RABGAP1L: variants seen among roughly 807,000 people sequenced by gnomAD.
RABGAP1L encodes rab GTPase-activating protein 1-like.
Under a neutral mutation model 137.7 loss-of-function variants are expected in RABGAP1L, and 63 were observed. That is an observed-to-expected ratio of 0.46 (90% CI 0.37 to 0.56). The LOEUF is 0.56. Among genes scored for constraint, RABGAP1L ranks in the 20% least tolerant of loss-of-function variants. The pLI is 0.00. For missense variants in RABGAP1L, 1,095 were observed against 1,244.0 expected (o/e 0.88, Z 1.80); for synonymous variants, 431 against 433.7 (o/e 0.99, Z 0.08).
At chr1:174,427,352 T>C (rs1179706113) in intron 13 of RABGAP1L, among the ~76,000 whole-genome samples, 1 of 152,178 alleles carries the variant, frequency 6.6e-6, no homozygotes, top group East Asian at 1.9e-4. Context: ...AATAGAGATA[T>C]TTCTTACCGG....
intron 18 of RABGAP1L, among the ~76,000 whole-genome samples, chr1:174,803,949 T>A (rs1689001018): frequency 6.6e-6 from 1 of 151,744 alleles, no homozygotes; most frequent in South Asian, 2.1e-4. Flanking sequence ...GGTGGGCGCC[T>A]GTAATCCCAG....
At chr1:174,967,652 T>C (rs1446395233) in intron 20 of RABGAP1L, among the ~76,000 whole-genome samples, 1 of 151,910 alleles carries the variant, frequency 6.6e-6, no homozygotes, top group African/African-American at 2.4e-5. Flanking sequence ...CCCAGCTAAT[T>C]TTTAAAAATT....
intron 12 of RABGAP1L, among the ~76,000 whole-genome samples, chr1:174,386,139 G>A (rs563779836): frequency 2.6e-5 from 4 of 152,300 alleles, no homozygotes; most frequent in South Asian, 4.1e-4. Context: ...TCATTGTAAC[G>A]GAAGGAAAGG....
Position 174,255,685 on chromosome 1 carries a change from T to G in RABGAP1L, c.986+3095T>G, listed in dbSNP as rs114192335. Reference sequence around the variant, plus strand: ...GATTACAGGTGTGCCCTACAACGCCTGGCTAATTTTGTATATTTTTAGTAG... The same window carrying G: ...GATTACAGGTGTGCCCTACAACGCCGGGCTAATTTTGTATATTTTTAGTAG... On this transcript the variant is annotated intron_variant, in intron 7 of 25. Transcript: ENST00000681986. Among the ~76,000 whole-genome samples, 585 of 152,252 alleles carry G rather than the reference T, an allele frequency of 3.8e-3. 6 individuals are homozygous for G. The highest frequency in any genetic ancestry group is 0.014 in the African/African-American group (567 of 41,556).
chr1:174,712,188 G>A (rs1180876202), intron 17 of RABGAP1L, among the ~76,000 whole-genome samples: 1 of 152,212 alleles, frequency 6.6e-6, no homozygotes, highest in Non-Finnish European at 1.5e-5. Flanking sequence ...CCAATCAGCA[G>A]GATGTGGGTG....
chr1:174,762,966 C>T (rs772543536), intron 18 of RABGAP1L, among the ~76,000 whole-genome samples: 110 of 151,730 alleles, frequency 7.2e-4, no homozygotes, highest in Non-Finnish European at 1.5e-3. Flanking sequence ...AGGCATGCGC[C>T]GCCACACCTG....
At chr1:174,875,324 C>G (rs1485610806) in intron 19 of RABGAP1L, among the ~76,000 whole-genome samples, 1 of 152,098 alleles carries the variant, frequency 6.6e-6, no homozygotes, top group Non-Finnish European at 1.5e-5. Context: ...TTTTTCTGGT[C>G]CTTTTCTTTT....
At chr1:174,438,802 CATTTT>C (rs1401892740) in intron 13 of RABGAP1L, among the ~76,000 whole-genome samples, 1 of 127,392 alleles carries the variant, frequency 7.8e-6, no homozygotes, top group Non-Finnish European at 1.6e-5. Flanking sequence ...TCTCAAATGA[CATTTT>C]ATAGTTTTCA....
At chr1:174,163,297 T>C (rs1005833846) in intron 1 of RABGAP1L, among the ~76,000 whole-genome samples, 1 of 152,206 alleles carries the variant, frequency 6.6e-6, no homozygotes, top group African/African-American at 2.4e-5. Flanking sequence ...AAGGAAGAGT[T>C]AATGAATTAA....
At chr1:174,951,312 A>G (rs1405664450) in intron 19 of RABGAP1L, among the ~76,000 whole-genome samples, 2 of 152,236 alleles carry the variant, frequency 1.3e-5, no homozygotes, top group African/African-American at 2.4e-5. Context: ...CTGGAGGCCA[A>G]CTGGATTTCA....
At chr1:174,790,998 C>T (rs1687813463) in intron 18 of RABGAP1L, among the ~76,000 whole-genome samples, 1 of 151,974 alleles carries the variant, frequency 6.6e-6, no homozygotes, top group African/African-American at 2.4e-5. Flanking sequence ...CGAGACCAGC[C>T]TGGCCAACAT....
At chr1:174,799,184 A>G (rs1392116616) in intron 18 of RABGAP1L, among the ~76,000 whole-genome samples, 4 of 152,178 alleles carry the variant, frequency 2.6e-5, no homozygotes, top group Non-Finnish European at 4.4e-5. Context: ...TATTTATCAT[A>G]TTGCTTGTTT....
intron 13 of RABGAP1L, among the ~76,000 whole-genome samples, chr1:174,526,370 A>G (rs978327195): frequency 1.3e-5 from 2 of 152,080 alleles, no homozygotes; most frequent in Non-Finnish European, 2.9e-5. Flanking sequence ...TGAGTTAGGG[A>G]AAATTTGCTC....
Position 174,842,490 on chromosome 1 carries a change from A to G in RABGAP1L, c.2340+30530A>G, listed in dbSNP as rs1330543058. 7.2e-5 allele frequency among the ~76,000 whole-genome samples: 11 copies of G among 152,164 alleles called. No individual in the cohort carries two copies. In the East Asian group the frequency reaches 1.5e-3, roughly 21 times the overall value. ...TGTTTCTCCACTGCATAAATAATTC[A>G]TATTTGCTTGGCCCTTTGTAGTCCT... On this transcript the variant is annotated intron_variant, in intron 19 of 25. Coordinates refer to ENST00000681986, the MANE Select transcript of RABGAP1L (RefSeq NM_001366446.1).
At chr1:174,536,274 A>G (rs1426414281) in intron 13 of RABGAP1L, among the ~76,000 whole-genome samples, 2 of 151,360 alleles carry the variant, frequency 1.3e-5, no homozygotes, top group African/African-American at 2.4e-5. Flanking sequence ...TTTCCAAAGG[A>G]CAGTTTGAAA....
At chr1:174,496,220 C>T (rs569808562) in intron 13 of RABGAP1L, among the ~76,000 whole-genome samples, 5 of 152,132 alleles carry the variant, frequency 3.3e-5, no homozygotes, top group African/African-American at 7.2e-5. Flanking sequence ...GATACATGGA[C>T]AATTTTTGCC....
intron 11 of RABGAP1L, among the ~76,000 whole-genome samples, chr1:174,308,002 G>T (rs1046473396): frequency 6.6e-6 from 1 of 151,842 alleles, no homozygotes; most frequent in African/African-American, 2.4e-5. Context: ...GGTAATAGCC[G>T]TTTTAATGGG....
intron 10 of RABGAP1L, among the ~76,000 whole-genome samples, chr1:174,286,822 T>C (rs1676094240): frequency 6.6e-6 from 1 of 152,166 alleles, no homozygotes; most frequent in South Asian, 2.1e-4. Flanking sequence ...ATGTGTTCTT[T>C]AGTTTCTATA....
At chr1:174,466,004 G>C (rs1406724015) in intron 13 of RABGAP1L, among the ~76,000 whole-genome samples, 2 of 152,176 alleles carry the variant, frequency 1.3e-5, no homozygotes, top group Non-Finnish European at 2.9e-5. Flanking sequence ...TGCTCAGTGT[G>C]CTCTTCTTAC....
Sources: allele counts gnomAD v4.1 joint callset (sites outside exome capture counted in the v4.1 genomes callset), GRCh38; gene constraint gnomAD v4.1.1; transcripts MANE v1.5; gene names NCBI Gene and HGNC (gene_info 2026-07-23, HGNC 2026-07-21).